HHATL: variants seen among roughly 807,000 people sequenced by gnomAD.
HHATL encodes hedgehog acyltransferase like, also known as protein-cysteine N-palmitoyltransferase HHAT-like protein.
In HHATL, 49 loss-of-function variants were observed where a neutral mutation model predicts 59.7. That is an observed-to-expected ratio of 0.82 (90% CI 0.65 to 1.04). HHATL has a LOEUF of 1.04. HHATL is among the 50% of genes least tolerant of loss of function. The probability of loss-of-function intolerance (pLI) is 0.00; values close to 1 mark genes in which losing one functional copy is unlikely to be tolerated. For synonymous variants in HHATL, 238 were observed against 257.3 expected, an observed-to-expected ratio of 0.93 and a Z score of 0.72; for missense variants, 605 against 650.8, an observed-to-expected ratio of 0.93 and a Z score of 0.77.
chr3:42,699,955 G>T (rs1697863562), intron 2 of HHATL, 130 bp from the exon 3 acceptor site: 1 of 682,074 alleles, frequency 1.5e-6, no homozygotes, highest in Admixed American at 2.6e-5. Flanking sequence ...AGTCTCTTTG[G>T]TGCTGCATCT....
chr3:42,699,099 T>A lies in HHATL; in HGVS notation c.221A>T (p.Asn74Ile), dbSNP rs1281015241. Residue 74 changes from asparagine (N) to isoleucine (I), a missense_variant, in exon 4 of 12, where the codon AAC becomes ATC. Coordinates refer to ENST00000441594, the MANE Select transcript of HHATL (RefSeq NM_020707.4). The part of the protein sequence containing the change: ...EWVMWFTSFR[N>I]VIIFALSGHV... ...TCCGGAGAGGGCAAAGATGATGACG[T>A]TGCGAAAGGAGGTGAACCACATCAC... The A allele has an allele frequency of 6.2e-7, 1 of 1,613,804 alleles. No homozygotes were observed. The highest frequency in any genetic ancestry group is 8.5e-7 in the Non-Finnish European group (1 of 1,179,978).
chr3:42,692,993 G>C, intron 11 of HHATL, 84 bp downstream of exon 11: 1 of 1,592,176 alleles, frequency 6.3e-7, no homozygotes, highest in South Asian at 1.1e-5. Flanking sequence ...GGGGTGATGA[G>C]GGAGATAGGA....
intron 2 of HHATL, among the ~76,000 whole-genome samples, chr3:42,700,449 TG>T (rs1697907705): frequency 6.6e-6 from 1 of 150,970 alleles, no homozygotes; most frequent in African/African-American, 2.4e-5. Flanking sequence ...GGCCTCTGTG[TG>T]TGTGTGTGTG....
In HHATL at chr3:42,700,726, GA is replaced by G. The variant is rs1457223091; in HGVS notation, c.100del (p.Ser34HisfsTer33). 2 of 1,610,708 alleles carry G rather than the reference GA, an allele frequency of 1.2e-6. No homozygotes were observed. The highest frequency in any genetic ancestry group is 3.3e-5 in the Admixed American group (2 of 59,908). On this transcript the variant is annotated frameshift_variant, in exon 2 of 12. Coordinates refer to ENST00000441594, the MANE Select transcript of HHATL (RefSeq NM_020707.4). LOFTEE classifies it high-confidence loss of function. ...AYAGRGLLEA[S>X]QDGAHRKAFR... The stretch of plus-strand genomic sequence containing the variant: ...CCCCGGGGCACAGCCATTACCTTGT[GA>G]AGCCTCAAGGAGGCCCCGGCCAGCA...
rs767176991 is a variant in HHATL at position 42,699,394 on chromosome 3, G to A, written c.175-249C>T. Among the ~76,000 whole-genome samples, 33 of 152,236 alleles carry A rather than the reference G, an allele frequency of 2.2e-4. 1 individual carries two copies. The highest frequency in any genetic ancestry group is 3.7e-4 in the Non-Finnish European group (25 of 68,022). ...CACACTCCTCTGTGAAGGAAGTACCGAGGCAGGAGGGTAGAGAGGAGTGAA... is the reference window on the plus strand; with the variant it reads ...CACACTCCTCTGTGAAGGAAGTACCAAGGCAGGAGGGTAGAGAGGAGTGAA... On this transcript the variant is annotated intron_variant, in intron 3 of 11. Transcript: ENST00000441594.
At chr3:42,697,756 A>G (rs1697702005) in intron 6 of HHATL, 77 bp from the exon 7 acceptor site, 2 of 1,453,504 alleles carry the variant, frequency 1.4e-6, no homozygotes, top group African/African-American at 1.4e-5. Context: ...CTCACCAACT[A>G]CTTGGGGCAG....
At chr3:42,700,416 C>CTG (rs1445076080) in intron 2 of HHATL, among the ~76,000 whole-genome samples, 3 of 135,858 alleles carry the variant, frequency 2.2e-5, no homozygotes, top group East Asian at 2.3e-4. Context: ...GTCTAGGTCT[C>CTG]TGTGTGTGTG....
chr3:42,702,407 G>C (rs1698043611), intron 1 of HHATL, among the ~76,000 whole-genome samples, 172 bp downstream of exon 1: 1 of 152,222 alleles, frequency 6.6e-6, no homozygotes, highest in Non-Finnish European at 1.5e-5. Flanking sequence ...TAGACCCCCA[G>C]ACCAGGGCTG....
rs339691 is a variant in HHATL, at chr3:42,697,471, C to T, written c.865+37G>A. ...GTGCAGAGGGTCTGTTTTCCTGGGG[C>T]GGCAGCCCTGCCCCCATTTCTCTTC... On this transcript the variant is annotated intron_variant, in intron 7 of 11. Transcript: ENST00000441594. 9.7e-3 allele frequency: 15,369 copies of T among 1,589,942 alleles called. 869 individuals are homozygous for T. The African/African-American group carries it at 0.15, about 15-fold the overall frequency.
At position 42,697,130 on chromosome 3, in the gene HHATL, G is replaced by C; in HGVS notation, c.881C>G (p.Ser294Ter). The change falls in exon 8 of 12, where the codon TCA (serine) becomes TGA (stop). Residue 294 changes from serine to a stop codon, truncating the protein, a stop_gained. Transcript: ENST00000441594. LOFTEE classifies it high-confidence loss of function. ...PDSALAGLAY[S>*]NLVYDWVKAA... ...CTTCACCCAGTCATACACCAGGTTT[G>C]AATAGGCTAGGCCAGCTGGGGGCAG... The C allele has an allele frequency of 6.5e-7, 1 of 1,540,696 alleles. No homozygotes were observed. The highest frequency in any genetic ancestry group is 8.8e-7 in the Non-Finnish European group (1 of 1,142,034).
chr3:42,692,826 G>A lies in HHATL; in HGVS notation c.1440C>T (p.Val480=). The A allele has an allele frequency of 6.2e-7, 1 of 1,614,200 alleles. No individual in the cohort carries two copies. The highest frequency in any genetic ancestry group is 8.5e-7 in the Non-Finnish European group (1 of 1,180,040). Residue 480 remains valine, a synonymous_variant, in exon 12 of 12, where the codon GTC becomes GTT. Coordinates refer to ENST00000441594, the MANE Select transcript of HHATL (RefSeq NM_020707.4). ...TTCGCTCACGCTCCTTTACCAGCTG[G>A]ACGCCACAGTAGGTGACAAACAGGA... ...LSILFVTYCG[V]QLVKERERTL...
rs753569865 is a variant in HHATL, at chr3:42,698,202, G to T, written c.633C>A (p.Asn211Lys). The T allele has an allele frequency of 6.2e-7, 1 of 1,614,244 alleles. No homozygotes were observed. Among genetic ancestry groups the T allele is most frequent in the Non-Finnish European group, 8.5e-7 (1 of 1,180,036 alleles). ...HYSLADLLKY[N>K]FYLPFFFFGP... ...CGAAGAAGAAGAAGGGCAGGTAGAA[G>T]TTGTACTTGAGCAGGTCAGCTAAGG... The change falls in exon 6 of 12, where the codon AAC (asparagine) becomes AAA (lysine). Residue 211 changes from asparagine (N) to lysine (K), a missense_variant. Asn to Lys is a moderately conservative substitution (Grantham distance 94). Transcript: ENST00000441594.
intron 4 of HHATL, 61 bp downstream of exon 4, chr3:42,698,971 C>T (rs914193257): frequency 2.5e-6 from 4 of 1,610,438 alleles, no homozygotes; most frequent in Non-Finnish European, 3.4e-6. Flanking sequence ...GGGGTTCCCA[C>T]AACCCTTGTG....
intron 7 of HHATL, 73 bp from the exon 8 acceptor site, chr3:42,697,218 CA>C: frequency 6.7e-7 from 1 of 1,490,502 alleles, no homozygotes; most frequent in Non-Finnish European, 9.0e-7. Flanking sequence ...CCTGTCCCAC[CA>C]CTTCCTTGGG....
Position 42,693,065 on chromosome 3 carries a change from C to G in HHATL, c.1390+12G>C. 6.2e-7 allele frequency: 1 copy of G among 1,614,120 alleles called. No homozygotes were observed. Among genetic ancestry groups the G allele is most frequent in the African/African-American group, 1.3e-5 (1 of 75,042 alleles). ...CTGGCACCTTCTGTATCCCCACACC[C>G]CTGTCCCTCACCTGTGAGTAGCAGG... On this transcript the variant is annotated intron_variant, in intron 11 of 11. Coordinates refer to ENST00000441594, the MANE Select transcript of HHATL (RefSeq NM_020707.4).
Position 42,698,310 on chromosome 3 carries a change from C to T in HHATL, c.525G>A (p.Leu175=). The T allele has an allele frequency of 6.2e-7, 1 of 1,613,806 alleles. No homozygotes were observed. The highest frequency in any genetic ancestry group is 1.1e-5 in the South Asian group (1 of 91,068). Residue 175 remains leucine (L), a synonymous_variant, in exon 6 of 12, where the codon CTG becomes CTA. Transcript: ENST00000441594. ...CTGTGAAGCTGCTGCCCCCATGAAA[C>T]AGCACCTCTTGAAGATCAAAAGTGC... The part of the protein sequence containing the change: ...VTGTFDLQEV[L]FHGGSSFTVL...
intron 8 of HHATL, 32 bp from the exon 9 acceptor site, chr3:42,696,909 A>G (rs764521854): frequency 4.3e-6 from 7 of 1,614,024 alleles, no homozygotes; most frequent in African/African-American, 4.0e-5. Flanking sequence ...GCATGTTGCC[A>G]TCAGGCGCAG....
chr3:42,693,508 G>T, intron 10 of HHATL, 109 bp downstream of exon 10: 1 of 975,688 alleles, frequency 1.0e-6, no homozygotes. Context: ...GGGTGGTGGT[G>T]AGAAAGTTCT....
chr3:42,698,126 C>G lies in HHATL; in HGVS notation c.693+16G>C. ...GATTCAGCCCTGTTCTAGAAGCCCA[C>G]AGGGTGTCCCCTCACCTGAGCATGG... On this transcript the variant is annotated intron_variant, in intron 6 of 11. Transcript: ENST00000441594. The G allele has an allele frequency of 6.2e-7, 1 of 1,612,338 alleles. No individual in the cohort carries two copies. The highest frequency in any genetic ancestry group is 1.1e-5 in the South Asian group (1 of 91,042).
Sources: allele counts gnomAD v4.1 joint callset (sites outside exome capture counted in the v4.1 genomes callset), GRCh38; gene constraint gnomAD v4.1.1; transcripts MANE v1.5; gene names NCBI Gene and HGNC (gene_info 2026-07-23, HGNC 2026-07-21).